The following RANBP2 variants were observed in gnomAD, a reference collection of about 807,000 sequenced individuals.
RANBP2 encodes the protein E3 SUMO-protein ligase RanBP2.
RANBP2 carries 57 observed loss-of-function variants against 303.6 expected under a neutral mutation model. The observed-to-expected ratio is 0.19, with a 90% CI of 0.15 to 0.23. The LOEUF is 0.23. Among genes scored for constraint, RANBP2 ranks in the 10% least tolerant of loss-of-function variants. RANBP2 has a pLI of 1.00. For synonymous variants in RANBP2, 1,167 were observed against 1,301.5 expected, an observed-to-expected ratio of 0.90 and a Z score of 2.23; for missense variants, 3,138 against 3,780.8, an observed-to-expected ratio of 0.83 and a Z score of 4.46.
At chr2:109,095,548 A>G in the RANBP2 span, among the ~76,000 whole-genome samples, 1 of 152,194 alleles carries the variant, frequency 6.6e-6, no homozygotes, top group Non-Finnish European at 1.5e-5. Flanking sequence ...AAGAAAGTTC[A>G]AGACCAACTT....
At chr2:108,976,834 T>C in the RANBP2 span, among the ~76,000 whole-genome samples, 1 of 152,082 alleles carries the variant, frequency 6.6e-6, no homozygotes, top group Admixed American at 6.6e-5. Flanking sequence ...TTAGGACCTC[T>C]TTACTTTCTG....
chr2:109,614,962 G>A, the RANBP2 span: 1 of 1,527,718 alleles, frequency 6.5e-7, no homozygotes, highest in Non-Finnish European at 8.8e-7. Flanking sequence ...AAGAACTCGC[G>A]GCGCGACGTG....
At chr2:109,108,944 C>T in the RANBP2 span, among the ~76,000 whole-genome samples, 3 of 152,186 alleles carry the variant, frequency 2.0e-5, no homozygotes, top group Non-Finnish European at 2.9e-5. Context: ...CCCTCTGTGT[C>T]GGGATGTGAT....
chr2:109,465,317 A>G, the RANBP2 span, among the ~76,000 whole-genome samples: 55 of 152,356 alleles, frequency 3.6e-4, no homozygotes, highest in African/African-American at 1.3e-3. Flanking sequence ...ATAAATTCGG[A>G]TAAATACCAA....
chr2:108,832,800 C>G, the RANBP2 span, among the ~76,000 whole-genome samples: 1 of 152,098 alleles, frequency 6.6e-6, no homozygotes, highest in Non-Finnish European at 1.5e-5. Flanking sequence ...CTGCCTTAGT[C>G]GTGACGTGTA....
the RANBP2 span, among the ~76,000 whole-genome samples, chr2:109,293,950 C>T: frequency 6.6e-6 from 1 of 152,162 alleles, no homozygotes; most frequent in Non-Finnish European, 1.5e-5. Flanking sequence ...TCTATGTTCT[C>T]CAAGAGCTTC....
chr2:109,136,607 T>C, the RANBP2 span, among the ~76,000 whole-genome samples: 2 of 152,212 alleles, frequency 1.3e-5, no homozygotes, highest in Non-Finnish European at 2.9e-5. Context: ...CATTTAGAGC[T>C]GCAGCTCTCC....
At chr2:109,092,183 T>G in the RANBP2 span, among the ~76,000 whole-genome samples, 4 of 152,282 alleles carry the variant, frequency 2.6e-5, no homozygotes, top group East Asian at 7.7e-4. Context: ...CAGTCCTAAC[T>G]CAGAGGACCC....
chr2:108,908,977 G>GAGAGAAGGTGAGGT, the RANBP2 span, among the ~76,000 whole-genome samples: 57 of 152,222 alleles, frequency 3.7e-4, no homozygotes, highest in African/African-American at 1.3e-3. Flanking sequence ...GTCCCCACTC[G>GAGAGAAGGTGAGGT]AGAGAAGGTG....
chr2:108,953,667 C>T, the RANBP2 span, among the ~76,000 whole-genome samples: 108 of 152,070 alleles, frequency 7.1e-4, no homozygotes, highest in African/African-American at 2.4e-3. Context: ...CTGTCATTGT[C>T]GGATGGATGT....
chr2:108,775,831 T>G lies in RANBP2; in HGVS notation c.8392T>G (p.Ser2798Ala), dbSNP rs375356065. 17 of 1,613,908 alleles carry G rather than the reference T, an allele frequency of 1.1e-5. No homozygotes were observed. Among genetic ancestry groups the G allele is most frequent in the Non-Finnish European group, 1.3e-5 (15 of 1,179,950 alleles). The change falls in exon 24 of 29, where the codon TCT (serine) becomes GCT (alanine). Residue 2798 changes from serine to alanine, a missense_variant. Physicochemically the swap from Ser to Ala is moderately conservative, Grantham distance 99. Coordinates refer to ENST00000283195, the MANE Select transcript of RANBP2 (RefSeq NM_006267.5). ...PSFCKSEEPD[S>A]ITKSISSPSV... ...TTTCTGTAAATCTGAAGAACCTGAT[T>G]CTATTACCAAATCCATTAGTTCACC...
the RANBP2 span, among the ~76,000 whole-genome samples, chr2:109,026,768 TAA>T: frequency 6.6e-6 from 1 of 152,144 alleles, no homozygotes; most frequent in Non-Finnish European, 1.5e-5. Flanking sequence ...AAATACTTCT[TAA>T]AAATCATTAG....
chr2:108,917,180 A>G, the RANBP2 span, among the ~76,000 whole-genome samples: 1 of 152,192 alleles, frequency 6.6e-6, no homozygotes, highest in Non-Finnish European at 1.5e-5. Context: ...AAGGAAATGG[A>G]TCTGCCCCAA....
In RANBP2 at chr2:108,751,862, A is replaced by G. The variant is rs949749735; in HGVS notation, c.1632-9A>G. 21 of 1,611,860 alleles carry G rather than the reference A, an allele frequency of 1.3e-5. No individual in the cohort carries two copies. In the East Asian group the frequency reaches 1.8e-4, roughly 14 times the overall value. Reference sequence around the variant, plus strand: ...GAAAGCAATTTTAGTAAATTGAACTATTTTTTAGACCTGGAAACGTAGCAA... The same window carrying G: ...GAAAGCAATTTTAGTAAATTGAACTGTTTTTTAGACCTGGAAACGTAGCAA... On this transcript the variant is annotated splice_polypyrimidine_tract_variant and intron_variant, in intron 11 of 28. Coordinates refer to ENST00000283195, the MANE Select transcript of RANBP2 (RefSeq NM_006267.5).
chr2:109,212,553 G>A, the RANBP2 span, among the ~76,000 whole-genome samples: 1 of 152,214 alleles, frequency 6.6e-6, no homozygotes, highest in Non-Finnish European at 1.5e-5. Flanking sequence ...GGAGAAATGA[G>A]ATCAAGTGGA....
the RANBP2 span, among the ~76,000 whole-genome samples, chr2:109,012,027 C>T: frequency 2.3e-4 from 35 of 152,232 alleles, no homozygotes; most frequent in Non-Finnish European, 3.8e-4. Flanking sequence ...TTTTTCGATT[C>T]GTCTGTTTTT....
the RANBP2 span, chr2:108,804,939 T>A: frequency 1.9e-6 from 3 of 1,573,854 alleles, no homozygotes; most frequent in South Asian, 3.6e-5. Flanking sequence ...AGGAAAAGAA[T>A]AAAGAAACCA....
chr2:109,546,274 C>T, the RANBP2 span: 7 of 1,416,004 alleles, frequency 4.9e-6, no homozygotes, highest in East Asian at 2.5e-5. Flanking sequence ...ACTGACACAG[C>T]GCGGCAGCAG....
chr2:109,494,001 C>T, the RANBP2 span, among the ~76,000 whole-genome samples: 3 of 152,196 alleles, frequency 2.0e-5, no homozygotes, highest in Admixed American at 6.5e-5. Flanking sequence ...CTGTGTTTTC[C>T]GGATGGGTCC....
Sources: allele counts gnomAD v4.1 joint callset (sites outside exome capture counted in the v4.1 genomes callset), GRCh38; gene constraint gnomAD v4.1.1; transcripts MANE v1.5; gene names NCBI Gene and HGNC (gene_info 2026-07-23, HGNC 2026-07-21).